ADGRL2: variants seen among roughly 807,000 people sequenced by gnomAD.
ADGRL2 encodes adhesion G protein-coupled receptor L2.
A neutral mutation model predicts 157.4 loss-of-function variants in ADGRL2; 44 were observed. The observed-to-expected ratio is 0.28, with a 90% CI of 0.22 to 0.36. ADGRL2 has a LOEUF of 0.36. Among genes scored for constraint, ADGRL2 ranks in the 10% least tolerant of loss-of-function variants. The pLI is 1.00. For synonymous variants in ADGRL2, 585 were observed against 624.7 expected (o/e 0.94, Z 0.95); for missense variants, 1,510 against 1,768.9 (o/e 0.85, Z 2.63).
chr1:81,702,019 C>T (rs1262600583), intron 1 of ADGRL2, among the ~76,000 whole-genome samples: 1 of 152,106 alleles, frequency 6.6e-6, no homozygotes, highest in Middle Eastern at 3.2e-3. Context: ...CAACCCTATT[C>T]TTGTGTAAGA....
At chr1:81,980,837 T>C (rs767144155) in intron 18 of ADGRL2, 3 of 712,772 alleles carry the variant, frequency 4.2e-6, no homozygotes, top group Non-Finnish European at 5.3e-6. Flanking sequence ...CGGACTTACC[T>C]GGGTAAGGTA....
chr1:81,734,209 G>A (rs2084820855), intron 1 of ADGRL2, among the ~76,000 whole-genome samples: 3 of 146,822 alleles, frequency 2.0e-5, no homozygotes, highest in Admixed American at 2.0e-4. Flanking sequence ...CCGGGGAGGT[G>A]GAGGTTGCAA....
At chr1:81,645,022 G>A (rs2082286694) in intron 3 of ADGRL2, among the ~76,000 whole-genome samples, 2 of 151,962 alleles carry the variant, frequency 1.3e-5, no homozygotes, top group African/African-American at 4.8e-5. Context: ...ATTTTTTTCA[G>A]AACATATTTG....
chr1:81,538,353 A>G (rs113714230), intron 2 of ADGRL2, among the ~76,000 whole-genome samples: 9 of 152,164 alleles, frequency 5.9e-5, no homozygotes, highest in African/African-American at 2.2e-4. Context: ...TAGCTCTGCC[A>G]TCTTCAACTG....
At chr1:81,903,747 ATATATATACACAT>A (rs1356429955) in intron 2 of ADGRL2, among the ~76,000 whole-genome samples, 39 of 143,136 alleles carry the variant, frequency 2.7e-4, no homozygotes, top group East Asian at 5.9e-4. Context: ...TATACACATT[ATATATATACACAT>A]TATATATACA....
Position 81,452,897 on chromosome 1 carries a change from C to A in ADGRL2, c.-248+7808C>A, listed in dbSNP as rs370297373. Among the ~76,000 whole-genome samples, 92 of 152,194 alleles carry A rather than the reference C, an allele frequency of 6.0e-4. 1 individual carries two copies. Among genetic ancestry groups the A allele is most frequent in the African/African-American group, 2.1e-3 (88 of 41,526 alleles). Reference sequence around the variant, plus strand: ...CCCAGGCAATGGGAACTCAAGAGGACAATCATGAGGTGTCAGGACAATCAA... The same window carrying A: ...CCCAGGCAATGGGAACTCAAGAGGAAAATCATGAGGTGTCAGGACAATCAA... On this transcript the variant is annotated intron_variant, in intron 2 of 24. Coordinates refer to the ADGRL2 transcript ENST00000370721.
chr1:81,486,838 T>TA (rs1461605016), intron 2 of ADGRL2, among the ~76,000 whole-genome samples: 1 of 152,000 alleles, frequency 6.6e-6, no homozygotes, highest in Non-Finnish European at 1.5e-5. Context: ...ATTCATCAGG[T>TA]AAAAAAATAA....
chr1:81,941,938 C>T lies in ADGRL2; in HGVS notation c.398-96C>T, dbSNP rs528271460. The T allele has an allele frequency of 6.7e-4, 418 of 624,152 alleles. 1 individual carries two copies. The highest frequency in any genetic ancestry group is 1.0e-3 in the Non-Finnish European group (345 of 340,886). The allele number at this position is 624,152 out of a possible 1,614,324, so 38.7% of individuals were successfully genotyped here. A position where few individuals can be genotyped will look rare whatever the true frequency, so the allele number is the denominator to read the frequency against. ...TTCTTCCTATATTTAGCATCTGTTA[C>T]GAATTCAGTCTTAGACTAATAGTCA... On this transcript the variant is annotated intron_variant, in intron 4 of 23. Transcript: ENST00000686636.
At chr1:81,352,772 A>G (rs948500255) in intron 1 of ADGRL2, among the ~76,000 whole-genome samples, 4 of 152,182 alleles carry the variant, frequency 2.6e-5, no homozygotes, top group African/African-American at 9.7e-5. Flanking sequence ...AGACATATAC[A>G]TAAGCAATCA....
chr1:81,983,243 A>G (rs1381933117), intron 19 of ADGRL2, among the ~76,000 whole-genome samples: 7 of 151,972 alleles, frequency 4.6e-5, no homozygotes, highest in African/African-American at 1.7e-4. Flanking sequence ...ATCATGTTAT[A>G]CTTCAAAAGA....
chr1:81,543,683 A>G (rs542584414), intron 2 of ADGRL2, among the ~76,000 whole-genome samples: 1 of 152,284 alleles, frequency 6.6e-6, no homozygotes, highest in East Asian at 1.9e-4. Context: ...GTCCCTTGAC[A>G]GTCTATTTTC....
At chr1:81,471,547 G>C (rs1367905198) in intron 2 of ADGRL2, among the ~76,000 whole-genome samples, 1 of 152,136 alleles carries the variant, frequency 6.6e-6, no homozygotes, top group Non-Finnish European at 1.5e-5. Context: ...TAATATTGAA[G>C]GGTTTCTGAG....
intron 1 of ADGRL2, among the ~76,000 whole-genome samples, chr1:81,735,908 G>T (rs1478458976): frequency 6.6e-6 from 1 of 152,044 alleles, no homozygotes; most frequent in Non-Finnish European, 1.5e-5. Context: ...ACTTTGGGAG[G>T]CCGAGGTGGG....
chr1:81,526,486 A>G (rs1374633344), intron 2 of ADGRL2, among the ~76,000 whole-genome samples: 1 of 152,212 alleles, frequency 6.6e-6, no homozygotes, highest in Non-Finnish European at 1.5e-5. Context: ...AATTAAGTTA[A>G]CCTTTTAAAA....
chr1:81,406,793 C>T (rs903862182), intron 1 of ADGRL2, among the ~76,000 whole-genome samples: 22 of 152,006 alleles, frequency 1.4e-4, no homozygotes, highest in South Asian at 2.1e-4. Context: ...GCAACATCTG[C>T]GATATGAAAA....
intron 1 of ADGRL2, among the ~76,000 whole-genome samples, chr1:81,705,060 A>G (rs538598203): frequency 6.6e-5 from 10 of 152,156 alleles, no homozygotes; most frequent in African/African-American, 1.9e-4. Flanking sequence ...TTATTTATTT[A>G]TTTATTTATT....
intron 2 of ADGRL2, among the ~76,000 whole-genome samples, chr1:81,571,368 T>C (rs917694741): frequency 8.8e-5 from 13 of 147,114 alleles, no homozygotes; most frequent in African/African-American, 3.0e-4. Context: ...ATATAATATA[T>C]ATTTGTATAT....
At chr1:81,849,381 A>T (rs1479350889) in intron 2 of ADGRL2, among the ~76,000 whole-genome samples, 1 of 151,946 alleles carries the variant, frequency 6.6e-6, no homozygotes, top group Non-Finnish European at 1.5e-5. Context: ...AACCATTTAA[A>T]TGACAGCAGC....
chr1:81,565,752 G>A (rs6685383), intron 2 of ADGRL2, among the ~76,000 whole-genome samples: 17,012 of 152,118 alleles, frequency 0.11, 1,646 homozygotes, highest in East Asian at 0.32. Flanking sequence ...AAGCACATTA[G>A]CCTTTCTTCT....
Sources: gnomAD v4.1 joint callset for allele counts (sites outside exome capture counted in the v4.1 genomes callset) on GRCh38, gnomAD v4.1.1 for gene constraint, MANE v1.5 for transcripts, NCBI Gene and HGNC (gene_info 2026-07-23, HGNC 2026-07-21) for gene names.